Variants in RBFOX1 observed in about 807,000 individuals in gnomAD.
RBFOX1 encodes the protein RNA binding fox-1 homolog 1.
RBFOX1 carries 8 observed loss-of-function variants against 57.7 expected under a neutral mutation model. The ratio of observed to expected loss-of-function variants is 0.14; its 90% CI spans 0.08 to 0.25. The LOEUF is 0.25. Ranked by LOEUF, RBFOX1 falls within the 10% of genes least tolerant of loss-of-function variation. The pLI is 1.00. For synonymous variants in RBFOX1, 326 were observed against 222.4 expected (o/e 1.47, Z -4.15); for missense variants, 611 against 548.5 (o/e 1.11, Z -1.14).
chr16:6,801,848 G>A (rs1445251774), intron 3 of RBFOX1, among the ~76,000 whole-genome samples: 2 of 152,106 alleles, frequency 1.3e-5, no homozygotes, highest in Non-Finnish European at 2.9e-5. Context: ...ACATGTAAGT[G>A]TGCATTCATC....
chr16:6,004,655 A>G (rs2060661978), intron 4 of RBFOX1, among the ~76,000 whole-genome samples: 2 of 152,330 alleles, frequency 1.3e-5, no homozygotes, highest in African/African-American at 2.4e-5. Context: ...TCTCTCCAGA[A>G]TGGTCTATTT....
chr16:6,869,469 G>A (rs1342369844), intron 3 of RBFOX1, among the ~76,000 whole-genome samples: 1 of 61,770 alleles, frequency 1.6e-5, no homozygotes, highest in East Asian at 1.1e-3. Flanking sequence ...ACTGTCTTTT[G>A]AGGTTTTTTT....
At chr16:6,641,734 C>CAAAAAAAAAAAAAAAAA (rs869202831) in intron 2 of RBFOX1, among the ~76,000 whole-genome samples, 4 of 68,972 alleles carry the variant, frequency 5.8e-5, no homozygotes, top group African/African-American at 1.3e-4. Flanking sequence ...GACTCCGTCT[C>CAAAAAAAAAAAAAAAAA]AAAAAAAAAA....
At chr16:6,856,087 A>C (rs941430420) in intron 3 of RBFOX1, among the ~76,000 whole-genome samples, 18 of 150,910 alleles carry the variant, frequency 1.2e-4, no homozygotes, top group Non-Finnish European at 2.2e-4. Flanking sequence ...GATGAAATGA[A>C]GACCCTTCCC....
intron 4 of RBFOX1, among the ~76,000 whole-genome samples, chr16:7,088,186 ATGG>A (rs1211495845): frequency 1.3e-5 from 2 of 152,178 alleles, no homozygotes; most frequent in Non-Finnish European, 1.5e-5. Context: ...GAAAACATTG[ATGG>A]TGGTGAATTC....
chr16:5,455,434 A>C (rs2068599619), intron 1 of RBFOX1, among the ~76,000 whole-genome samples: 1 of 152,140 alleles, frequency 6.6e-6, no homozygotes, highest in Admixed American at 6.5e-5. Context: ...ATTCAAAGGA[A>C]GGTATATCAC....
intron 3 of RBFOX1, among the ~76,000 whole-genome samples, chr16:6,983,090 C>A (rs1225256675): frequency 6.7e-6 from 1 of 148,926 alleles, no homozygotes; most frequent in Non-Finnish European, 1.5e-5. Flanking sequence ...AGTGGCCATG[C>A]TGAGACATGA....
chr16:7,518,489 G>C, intron 5 of RBFOX1, 100 bp downstream of exon 5: 1 of 1,478,574 alleles, frequency 6.8e-7, no homozygotes, highest in Non-Finnish European at 9.0e-7. Flanking sequence ...AGGGACTCTG[G>C]GAAACAGATC....
At chr16:7,300,347 T>A (rs1396841944) in intron 4 of RBFOX1, among the ~76,000 whole-genome samples, 1 of 152,178 alleles carries the variant, frequency 6.6e-6, no homozygotes, top group South Asian at 2.1e-4. Flanking sequence ...ATGATTCAGG[T>A]GTTTGAACAA....
At chr16:5,390,461 A>T (rs983211582) in intron 1 of RBFOX1, among the ~76,000 whole-genome samples, 4 of 151,616 alleles carry the variant, frequency 2.6e-5, no homozygotes, top group Non-Finnish European at 5.9e-5. Flanking sequence ...GCTACTTTTT[A>T]TATTTTTCGT....
chr16:7,188,867 A>G (rs2084598085), intron 4 of RBFOX1, among the ~76,000 whole-genome samples: 1 of 152,214 alleles, frequency 6.6e-6, no homozygotes, highest in Admixed American at 6.5e-5. Flanking sequence ...AAGGACATCA[A>G]GAAAAAGGTT....
intron 4 of RBFOX1, among the ~76,000 whole-genome samples, chr16:7,078,648 C>T (rs934213688): frequency 1.3e-5 from 2 of 151,034 alleles, no homozygotes; most frequent in South Asian, 2.1e-4. Context: ...ACACCCAGCC[C>T]GACCCTATTT....
rs139502688 is a variant in RBFOX1 at position 6,699,230 on chromosome 16, C to G, written c.-16+44580C>G. 8.4e-4 allele frequency among the ~76,000 whole-genome samples: 128 copies of G among 152,064 alleles called. 4 individuals carry two copies. In the East Asian group the frequency reaches 0.021, roughly 25 times the overall value. On this transcript the variant is annotated intron_variant, in intron 3 of 15. Coordinates refer to ENST00000550418, the MANE Select transcript of RBFOX1 (RefSeq NM_018723.4). ...ATATGGACTACTGTTCTGGGACCAC[C>G]TTAGCCTTGAACTCTCTTCACGTTC...
chr16:5,920,020 G>A (rs191939693), intron 4 of RBFOX1, among the ~76,000 whole-genome samples: 1 of 152,020 alleles, frequency 6.6e-6, no homozygotes, highest in African/African-American at 2.4e-5. Context: ...TGCAAGCTCC[G>A]CCTCCGGGCT....
chr16:7,442,433 G>T (rs1209759278), intron 4 of RBFOX1, among the ~76,000 whole-genome samples: 1 of 152,144 alleles, frequency 6.6e-6, no homozygotes, highest in African/African-American at 2.4e-5. Context: ...GAACAGACCT[G>T]CATGCTGTAC....
Position 6,724,305 on chromosome 16 carries a change from C to G in RBFOX1, c.-16+69655C>G, listed in dbSNP as rs139139636. ...GCTGACTGTAACCTCTGCCTCCTGG[C>G]TTCAAGCAGTTCTCTTGCCTCAGCC... On this transcript the variant is annotated intron_variant, in intron 3 of 15. Transcript: ENST00000550418. Among the ~76,000 whole-genome samples the G allele has an allele frequency of 5.9e-3, 888 of 150,708 alleles. 7 individuals carry two copies. The highest frequency in any genetic ancestry group is 0.017 in the African/African-American group (694 of 40,854).
At chr16:5,986,084 C>G (rs1266834127) in intron 4 of RBFOX1, among the ~76,000 whole-genome samples, 3 of 146,978 alleles carry the variant, frequency 2.0e-5, no homozygotes, top group Non-Finnish European at 4.5e-5. Flanking sequence ...GTTTTCCAGA[C>G]AGGGTCTCGC....
chr16:7,066,381 G>C (rs117032820), intron 4 of RBFOX1, among the ~76,000 whole-genome samples: 1,674 of 152,314 alleles, frequency 0.011, 17 homozygotes, highest in Non-Finnish European at 0.017. Context: ...GTGAGGCTAA[G>C]ATACGAGAAG....
At chr16:5,534,936 G>C (rs1039928726) in intron 2 of RBFOX1, among the ~76,000 whole-genome samples, 1 of 152,180 alleles carries the variant, frequency 6.6e-6, no homozygotes, top group African/African-American at 2.4e-5. Flanking sequence ...TAGAGGAATA[G>C]ACATTCATCC....
Sources: allele counts gnomAD v4.1 joint callset (sites outside exome capture counted in the v4.1 genomes callset), GRCh38; gene constraint gnomAD v4.1.1; transcripts MANE v1.5; gene names NCBI Gene and HGNC (gene_info 2026-07-23, HGNC 2026-07-21).